Variants in SHISA6 observed in about 807,000 individuals in gnomAD.
SHISA6 encodes the protein protein shisa-6.
A neutral mutation model predicts 47.9 loss-of-function variants in SHISA6; 22 were observed. The observed-to-expected ratio is 0.46, with a 90% CI of 0.33 to 0.66. The LOEUF (loss-of-function observed/expected upper bound fraction) is 0.66, where lower values mean the gene tolerates loss of function less well. SHISA6 is among the 30% of genes least tolerant of loss of function. The probability of loss-of-function intolerance (pLI) is 0.02; values close to 1 mark genes in which losing one functional copy is unlikely to be tolerated. For missense variants in SHISA6, 680 were observed against 764.6 expected (o/e 0.89, Z 1.30); for synonymous variants, 388 against 337.8 (o/e 1.15, Z -1.63).
intron 3 of SHISA6, among the ~76,000 whole-genome samples, chr17:11,513,216 G>T (rs892390572): frequency 3.6e-4 from 54 of 149,902 alleles, no homozygotes; most frequent in African/African-American, 1.0e-3. Flanking sequence ...ATATGTATGT[G>T]TTATATATAT....
chr17:11,387,416 G>T (rs947054223), intron 3 of SHISA6, among the ~76,000 whole-genome samples: 8 of 152,160 alleles, frequency 5.3e-5, no homozygotes, highest in African/African-American at 1.9e-4. Flanking sequence ...TCACAGAGGT[G>T]CCCCCTTGAC....
intron 3 of SHISA6, among the ~76,000 whole-genome samples, chr17:11,388,051 C>T (rs1913251912): frequency 6.6e-6 from 1 of 152,118 alleles, no homozygotes; most frequent in African/African-American, 2.4e-5. Context: ...CACAGGCTGC[C>T]ACCCCCACAC....
At chr17:11,348,263 AT>A (rs1911763934) in intron 2 of SHISA6, among the ~76,000 whole-genome samples, 1 of 152,240 alleles carries the variant, frequency 6.6e-6, no homozygotes. Context: ...TTGGTAAGTT[AT>A]TTGTTTATGT....
intron 2 of SHISA6, among the ~76,000 whole-genome samples, chr17:11,286,178 G>A (rs1909292340): frequency 1.3e-5 from 2 of 152,162 alleles, no homozygotes; most frequent in South Asian, 4.2e-4. Context: ...TTGTTTTTCA[G>A]AGTGGCCTCA....
At chr17:11,540,084 A>G (rs2071820496) in intron 3 of SHISA6, among the ~76,000 whole-genome samples, 1 of 152,010 alleles carries the variant, frequency 6.6e-6, no homozygotes, top group South Asian at 2.1e-4. Context: ...CACGTTCCAG[A>G]CCTCCACCCA....
At chr17:11,493,570 C>T (rs536820158) in intron 3 of SHISA6, among the ~76,000 whole-genome samples, 3 of 108,816 alleles carry the variant, frequency 2.8e-5, no homozygotes, top group East Asian at 5.7e-4. Flanking sequence ...TGTGGATACA[C>T]GCGTGCGCGC....
intron 3 of SHISA6, among the ~76,000 whole-genome samples, chr17:11,512,433 T>C (rs148731229): frequency 6.6e-6 from 1 of 152,374 alleles, no homozygotes; most frequent in Non-Finnish European, 1.5e-5. Context: ...CTGTGGTGAA[T>C]CCTGTTCTTT....
chr17:11,378,250 A>G (rs1912879151), intron 2 of SHISA6, among the ~76,000 whole-genome samples: 1 of 152,248 alleles, frequency 6.6e-6, no homozygotes, highest in Admixed American at 6.5e-5. Flanking sequence ...AAAAGCTGAA[A>G]AGACAGAAGA....
chr17:11,522,630 C>T (rs533991026), intron 3 of SHISA6, among the ~76,000 whole-genome samples: 7 of 152,228 alleles, frequency 4.6e-5, no homozygotes, highest in African/African-American at 1.4e-4. Context: ...TAGCTATTTA[C>T]TGGAAAGTAA....
chr17:11,432,883 T>C (rs1914825336), intron 3 of SHISA6, among the ~76,000 whole-genome samples: 1 of 152,178 alleles, frequency 6.6e-6, no homozygotes, highest in Admixed American at 6.5e-5. Context: ...AGATTATTGG[T>C]TGCCTGGGGC....
At chr17:11,519,989 T>C (rs367836674) in intron 3 of SHISA6, among the ~76,000 whole-genome samples, 2 of 152,202 alleles carry the variant, frequency 1.3e-5, no homozygotes, top group African/African-American at 4.8e-5. Flanking sequence ...GGGCTTCCTC[T>C]GTTCTCTCCT....
intron 2 of SHISA6, among the ~76,000 whole-genome samples, chr17:11,269,027 G>T (rs1446510127): frequency 6.7e-6 from 1 of 149,910 alleles, no homozygotes; most frequent in African/African-American, 2.5e-5. Context: ...CCGGTGCCCA[G>T]TTTTTTTTGT....
chr17:11,493,242 G>A (rs1335012057), intron 3 of SHISA6, among the ~76,000 whole-genome samples: 1 of 150,646 alleles, frequency 6.6e-6, no homozygotes, highest in East Asian at 2.0e-4. Context: ...CTTTTTTTCT[G>A]TTTGAGACAG....
chr17:11,431,999 C>T (rs1033071419), intron 3 of SHISA6, among the ~76,000 whole-genome samples: 1 of 152,172 alleles, frequency 6.6e-6, no homozygotes, highest in Non-Finnish European at 1.5e-5. Context: ...GCAGAGTGCT[C>T]TTCAGGTACA....
intron 3 of SHISA6, among the ~76,000 whole-genome samples, chr17:11,422,637 C>T (rs942708392): frequency 6.6e-6 from 1 of 152,034 alleles, no homozygotes; most frequent in South Asian, 2.1e-4. Context: ...TGGTGCACGC[C>T]TGTAGTCCCA....
chr17:11,366,870 A>G (rs554278806), intron 2 of SHISA6, among the ~76,000 whole-genome samples: 11 of 152,358 alleles, frequency 7.2e-5, no homozygotes, highest in Non-Finnish European at 1.6e-4. Flanking sequence ...TTTTGCCCCC[A>G]TAAAAGATAT....
chr17:11,305,292 T>C (rs1364450630), intron 2 of SHISA6, among the ~76,000 whole-genome samples: 1 of 152,208 alleles, frequency 6.6e-6, no homozygotes, highest in Non-Finnish European at 1.5e-5. Flanking sequence ...TGGATCTTTG[T>C]ACAACCCTTT....
At chr17:11,473,991 G>A (rs1915992510) in intron 3 of SHISA6, among the ~76,000 whole-genome samples, 1 of 151,804 alleles carries the variant, frequency 6.6e-6, no homozygotes, top group African/African-American at 2.4e-5. Context: ...CCCCACTTAT[G>A]AGTGAGAACA....
intron 3 of SHISA6, among the ~76,000 whole-genome samples, chr17:11,399,463 C>T (rs1913688935): frequency 6.6e-6 from 1 of 152,040 alleles, no homozygotes; most frequent in Non-Finnish European, 1.5e-5. Flanking sequence ...ACTCTGTCAC[C>T]CAGGCTGGAG....
Sources: allele counts gnomAD v4.1 joint callset (sites outside exome capture counted in the v4.1 genomes callset), GRCh38; gene constraint gnomAD v4.1.1; transcripts MANE v1.5; gene names NCBI Gene and HGNC (gene_info 2026-07-23, HGNC 2026-07-21).